Variants in SLC8A1 observed in about 807,000 individuals in gnomAD.
SLC8A1 encodes sodium/calcium exchanger 1.
A neutral mutation model predicts 68.3 loss-of-function variants in SLC8A1; 18 were observed. The ratio of observed to expected loss-of-function variants is 0.26; its 90% CI spans 0.18 to 0.39. SLC8A1 has a LOEUF of 0.39. SLC8A1 is among the 10% of genes least tolerant of loss of function. SLC8A1 has a pLI of 1.00. For synonymous variants in SLC8A1, 475 were observed against 415.5 expected (o/e 1.14, Z -1.74); for missense variants, 985 against 1,156.7 (o/e 0.85, Z 2.15).
chr2:40,268,715 C>T (rs541873669), intron 2 of SLC8A1, among the ~76,000 whole-genome samples: 37 of 152,224 alleles, frequency 2.4e-4, no homozygotes, highest in Non-Finnish European at 2.4e-4. Flanking sequence ...CAGCAAACTC[C>T]AAAGTCCTCA....
At chr2:40,181,554 C>T (rs769010373) in intron 2 of SLC8A1, among the ~76,000 whole-genome samples, 1 of 152,134 alleles carries the variant, frequency 6.6e-6, no homozygotes, top group African/African-American at 2.4e-5. Context: ...CAATAATGCT[C>T]CTGACAGGAA....
chr2:40,118,918 G>T (rs2036163283), intron 7 of SLC8A1, among the ~76,000 whole-genome samples: 1 of 151,868 alleles, frequency 6.6e-6, no homozygotes, highest in South Asian at 2.1e-4. Flanking sequence ...GGACTTCCTG[G>T]GTATCCCATG....
chr2:40,342,940 C>T (rs1445461893), intron 2 of SLC8A1, among the ~76,000 whole-genome samples: 1 of 151,986 alleles, frequency 6.6e-6, no homozygotes, highest in Non-Finnish European at 1.5e-5. Flanking sequence ...CACAGAGGTC[C>T]CTCACAGTGT....
chr2:40,349,359 G>A (rs1446101348), intron 2 of SLC8A1, among the ~76,000 whole-genome samples: 1 of 152,118 alleles, frequency 6.6e-6, no homozygotes, highest in Non-Finnish European at 1.5e-5. Flanking sequence ...AAAGAGGCAA[G>A]GAAAAGGAAT....
At chr2:40,221,230 T>A (rs1317608619) in intron 2 of SLC8A1, among the ~76,000 whole-genome samples, 2 of 152,024 alleles carry the variant, frequency 1.3e-5, no homozygotes, top group Non-Finnish European at 2.9e-5. Context: ...GTTCAACATA[T>A]GCAAATCAAT....
At chr2:40,211,051 T>C (rs1256966525) in intron 2 of SLC8A1, among the ~76,000 whole-genome samples, 1 of 152,224 alleles carries the variant, frequency 6.6e-6, no homozygotes, top group East Asian at 1.9e-4. Context: ...GGTCTTTGTC[T>C]TTCCAGTCTA....
intron 2 of SLC8A1, among the ~76,000 whole-genome samples, chr2:40,373,251 A>C (rs966889796): frequency 3.3e-5 from 5 of 152,076 alleles, no homozygotes; most frequent in African/African-American, 1.2e-4. Context: ...ATGTGATTCT[A>C]TCTCTTTACT....
At chr2:40,334,674 C>G (rs1665362787) in intron 2 of SLC8A1, among the ~76,000 whole-genome samples, 1 of 152,004 alleles carries the variant, frequency 6.6e-6, no homozygotes, top group South Asian at 2.1e-4. Flanking sequence ...TATGAATAAC[C>G]AAAGTTGAGG....
At position 40,177,876 on chromosome 2, in the gene SLC8A1, G is replaced by A. The variant is rs545549963; in HGVS notation, c.1809-21C>T. 4.2e-5 allele frequency: 62 copies of A among 1,476,834 alleles called. No individual in the cohort carries two copies. The African/African-American group carries it at 8.3e-4, about 20-fold the overall frequency. The allele number at this position is 1,476,834 out of a possible 1,614,324, so 91.5% of individuals were successfully genotyped here. A position where few individuals can be genotyped will look rare whatever the true frequency, so the allele number is the denominator to read the frequency against. ...TCTTCCTGTGGGAACACAAGACAAA[G>A]GCAAAACAAATGGTTGGAGTCACAC... On this transcript the variant is annotated intron_variant, in intron 2 of 7. Transcript: ENST00000406785.
chr2:40,486,450 A>C (rs1704972921), intron 1 of SLC8A1, among the ~76,000 whole-genome samples: 1 of 139,714 alleles, frequency 7.2e-6, no homozygotes, highest in African/African-American at 2.5e-5. Context: ...TGGATGCTTA[A>C]TCAGATCAAG....
At chr2:40,408,624 A>C (rs561225048) in intron 2 of SLC8A1, among the ~76,000 whole-genome samples, 2 of 152,324 alleles carry the variant, frequency 1.3e-5, no homozygotes, top group African/African-American at 4.8e-5. Context: ...AACTGTGGGA[A>C]TTGAAACTAC....
intron 2 of SLC8A1, among the ~76,000 whole-genome samples, chr2:40,254,145 G>GAAATATTTATAATCATT (rs1659370450): frequency 1.3e-5 from 2 of 151,800 alleles, no homozygotes; most frequent in South Asian, 4.1e-4. Flanking sequence ...CTCTACTCTA[G>GAAATATTTATAATCATT]AAATATTTAT....
At chr2:40,384,463 CTAAT>C (rs1390973199) in intron 2 of SLC8A1, among the ~76,000 whole-genome samples, 3 of 151,976 alleles carry the variant, frequency 2.0e-5, no homozygotes, top group Non-Finnish European at 4.4e-5. Flanking sequence ...GCAACATTCT[CTAAT>C]TATCTTTGAA....
chr2:40,270,982 G>A (rs1423743322), intron 2 of SLC8A1, among the ~76,000 whole-genome samples: 1 of 152,092 alleles, frequency 6.6e-6, no homozygotes, highest in Non-Finnish European at 1.5e-5. Context: ...CCTGGCCTAT[G>A]CCCTCTCTCC....
At chr2:40,371,912 C>A (rs1438376924) in intron 2 of SLC8A1, among the ~76,000 whole-genome samples, 1 of 152,014 alleles carries the variant, frequency 6.6e-6, no homozygotes, top group Non-Finnish European at 1.5e-5. Context: ...CTGGGCCAGG[C>A]ACTGAGACAA....
intron 6 of SLC8A1, among the ~76,000 whole-genome samples, chr2:40,143,278 T>C (rs988528243): frequency 6.6e-6 from 1 of 152,188 alleles, no homozygotes; most frequent in Admixed American, 6.5e-5. Flanking sequence ...CACTTAAAAG[T>C]CTGTTCTTTC....
intron 2 of SLC8A1, among the ~76,000 whole-genome samples, chr2:40,425,210 T>C (rs1696536256): frequency 6.6e-6 from 1 of 151,898 alleles, no homozygotes; most frequent in African/African-American, 2.4e-5. Context: ...GCTGAGAATA[T>C]ATTTTATTAG....
At chr2:40,211,554 G>T (rs891218664) in intron 2 of SLC8A1, among the ~76,000 whole-genome samples, 2 of 152,310 alleles carry the variant, frequency 1.3e-5, no homozygotes, top group African/African-American at 4.8e-5. Context: ...TCATGTTTAG[G>T]TGGTGGGAAG....
rs528615500 is a variant in SLC8A1, at chr2:40,237,560, G to A, written c.1809-59705C>T. Among the ~76,000 whole-genome samples, 47 of 151,522 alleles carry A rather than the reference G, an allele frequency of 3.1e-4. No individual in the cohort carries two copies. In the South Asian group the frequency reaches 5.6e-3, roughly 18 times the overall value. The stretch of plus-strand genomic sequence containing the variant: ...TTGCCTTTGGTTTGAATGTCCTCCC[G>A]TAGCTCAGAGTAATTTGATCGTCTG... On this transcript the variant is annotated intron_variant, in intron 2 of 7. Coordinates refer to ENST00000406785, the Ensembl canonical transcript of SLC8A1.
Sources: allele counts gnomAD v4.1 joint callset (sites outside exome capture counted in the v4.1 genomes callset), GRCh38; gene constraint gnomAD v4.1.1; transcripts MANE v1.5; gene names NCBI Gene and HGNC (gene_info 2026-07-23, HGNC 2026-07-21).